The following PRKG1 variants were observed in gnomAD, a reference collection of about 807,000 sequenced individuals.
PRKG1 encodes cGMP-dependent protein kinase 1.
Under a neutral mutation model 88.1 loss-of-function variants are expected in PRKG1, and 35 were observed. That is an observed-to-expected ratio of 0.40 (90% CI 0.30 to 0.53). PRKG1 has a LOEUF of 0.53. Among genes scored for constraint, PRKG1 ranks in the 20% least tolerant of loss-of-function variants. The pLI is 0.59. For synonymous variants in PRKG1, 303 were observed against 292.5 expected (o/e 1.04, Z -0.37); for missense variants, 540 against 839.8 (o/e 0.64, Z 4.41).
intron 3 of PRKG1, among the ~76,000 whole-genome samples, chr10:51,754,199 C>T (rs528580226): frequency 6.6e-6 from 1 of 152,284 alleles, no homozygotes; most frequent in Admixed American, 6.5e-5. Context: ...CTCAGGCAGA[C>T]TCTTTTCTGA....
chr10:51,000,084 A>T (rs1842873625), intron 1 of PRKG1, among the ~76,000 whole-genome samples: 1 of 152,176 alleles, frequency 6.6e-6, no homozygotes, highest in African/African-American at 2.4e-5. Flanking sequence ...ACTCCAAAAT[A>T]CTCAATCCAA....
rs1291256173 is a variant in PRKG1 at position 52,239,233 on chromosome 10, A to T, written c.1077-12337A>T. Among the ~76,000 whole-genome samples, 4 of 140,354 alleles carry T rather than the reference A, an allele frequency of 2.8e-5. No individual in the cohort carries two copies. The East Asian group carries it at 6.3e-4, about 22-fold the overall frequency. The allele number at this position is 140,354 out of a possible 152,430, so 92.1% of individuals were successfully genotyped here. A position where few individuals can be genotyped will look rare whatever the true frequency, so the allele number is the denominator to read the frequency against. On this transcript the variant is annotated intron_variant, in intron 9 of 17. Transcript: ENST00000373980. ...TATACCTAATGCTAGATGACAAGTTAGTGGGTGCAGCGCACCGGCATGGCA... is the reference window on the plus strand; with the variant it reads ...TATACCTAATGCTAGATGACAAGTTTGTGGGTGCAGCGCACCGGCATGGCA...
rs186798855 is a variant in PRKG1 at position 52,019,972 on chromosome 10, A to G, written c.763-34512A>G. On this transcript the variant is annotated intron_variant, in intron 5 of 17. Coordinates refer to ENST00000373980, the MANE Select transcript of PRKG1 (RefSeq NM_006258.4). ...GACAAAGGCAAACAATGAAGATAGG[A>G]AAGTTGGAAATTAAAGAAAATAATA... is the stretch of plus-strand genomic sequence containing the variant. Among the ~76,000 whole-genome samples, 375 of 152,308 alleles carry G rather than the reference A, an allele frequency of 2.5e-3. 1 individual carries two copies. The highest frequency in any genetic ancestry group is 8.3e-3 in the African/African-American group (344 of 41,578).
chr10:51,908,368 A>G (rs1213528854), intron 5 of PRKG1: 2 of 152,184 alleles, frequency 1.3e-5, no homozygotes, highest in Non-Finnish European at 2.9e-5. Flanking sequence ...AATGTCATAC[A>G]GGAATAGTGT....
intron 3 of PRKG1, among the ~76,000 whole-genome samples, chr10:51,532,130 A>T (rs1385809947): frequency 1.3e-5 from 2 of 152,186 alleles, no homozygotes; most frequent in Non-Finnish European, 2.9e-5. Context: ...CAGTGAGGGA[A>T]GTTAAAGCTG....
intron 2 of PRKG1, among the ~76,000 whole-genome samples, chr10:51,405,559 C>T (rs922805478): frequency 6.6e-6 from 1 of 152,142 alleles, no homozygotes; most frequent in Non-Finnish European, 1.5e-5. Context: ...GGATTAAAAC[C>T]ATATCGGAAA....
intron 5 of PRKG1, among the ~76,000 whole-genome samples, chr10:52,028,694 A>G (rs1297595018): frequency 1.3e-5 from 2 of 152,322 alleles, no homozygotes; most frequent in African/African-American, 4.8e-5. Context: ...AGCAAATTTT[A>G]AGAACCTACT....
chr10:51,661,850 C>T (rs572443518), intron 3 of PRKG1, among the ~76,000 whole-genome samples: 1 of 152,118 alleles, frequency 6.6e-6, no homozygotes, highest in Non-Finnish European at 1.5e-5. Flanking sequence ...CAATGACAGA[C>T]TGGATTAAGA....
At chr10:51,588,055 T>C (rs1838216318) in intron 3 of PRKG1, among the ~76,000 whole-genome samples, 1 of 152,178 alleles carries the variant, frequency 6.6e-6, no homozygotes, top group Non-Finnish European at 1.5e-5. Context: ...GAGATGCTGA[T>C]CGAAGCAAGT....
chr10:52,059,527 A>G (rs529943729), intron 6 of PRKG1, among the ~76,000 whole-genome samples: 2 of 152,074 alleles, frequency 1.3e-5, no homozygotes, highest in African/African-American at 4.8e-5. Context: ...TAAGAAAAAA[A>G]GGTCTGAAAA....
chr10:51,946,423 G>T (rs1843036411), intron 5 of PRKG1, among the ~76,000 whole-genome samples: 1 of 152,024 alleles, frequency 6.6e-6, no homozygotes, highest in Non-Finnish European at 1.5e-5. Context: ...CTGTAGCTCG[G>T]AGTAGTTTGA....
At chr10:51,653,920 C>A (rs963094178) in intron 3 of PRKG1, among the ~76,000 whole-genome samples, 5 of 152,052 alleles carry the variant, frequency 3.3e-5, no homozygotes, top group African/African-American at 1.2e-4. Flanking sequence ...AGGTTGAGTT[C>A]CCTATATATT....
rs149869279 is a variant in PRKG1 at position 51,894,353 on chromosome 10, G to C, written c.699-13154G>C. 1.4e-4 allele frequency among the ~76,000 whole-genome samples: 22 copies of C among 152,252 alleles called. No individual in the cohort carries two copies. The East Asian group carries it at 4.1e-3, about 28-fold the overall frequency. On this transcript the variant is annotated intron_variant, in intron 4 of 17. Transcript: ENST00000373980. ...GTGATTCTACTTCTAAGGGATACCT[G>C]CCATAGTCAAATTCATAGAGAGAGA...
intron 1 of PRKG1, among the ~76,000 whole-genome samples, chr10:51,115,063 C>T (rs1014338295): frequency 2.6e-5 from 4 of 151,914 alleles, no homozygotes; most frequent in African/African-American, 9.7e-5. Context: ...TGTCTGTAAT[C>T]CCAGCATTTT....
intron 17 of PRKG1, among the ~76,000 whole-genome samples, chr10:52,290,798 G>T (rs550720198): frequency 4.6e-5 from 7 of 152,166 alleles, no homozygotes; most frequent in Non-Finnish European, 1.0e-4. Context: ...TGAGCTTACA[G>T]TGAGCTGTGA....
chr10:51,314,039 C>T (rs933411916), intron 2 of PRKG1, among the ~76,000 whole-genome samples: 3 of 152,142 alleles, frequency 2.0e-5, no homozygotes, highest in African/African-American at 4.8e-5. Flanking sequence ...ATGATGAGGT[C>T]TAATCTTTCT....
chr10:51,033,998 C>G (rs1843320401), intron 1 of PRKG1, among the ~76,000 whole-genome samples: 1 of 152,038 alleles, frequency 6.6e-6, no homozygotes, highest in Non-Finnish European at 1.5e-5. Flanking sequence ...ATGCCTCACA[C>G]CAGAGACAAT....
chr10:52,130,393 C>A (rs2132628214), intron 7 of PRKG1, among the ~76,000 whole-genome samples: 1 of 152,138 alleles, frequency 6.6e-6, no homozygotes, highest in African/African-American at 2.4e-5. Flanking sequence ...CCAATTTAGG[C>A]CAGATAATAT....
intron 2 of PRKG1, among the ~76,000 whole-genome samples, chr10:51,390,924 A>G (rs1053206966): frequency 2.6e-5 from 4 of 152,226 alleles, no homozygotes; most frequent in Non-Finnish European, 5.9e-5. Context: ...TATCCAGTCC[A>G]AAACATCTAT....
Sources: gnomAD v4.1 joint callset for allele counts (sites outside exome capture counted in the v4.1 genomes callset) on GRCh38, gnomAD v4.1.1 for gene constraint, MANE v1.5 for transcripts, NCBI Gene and HGNC (gene_info 2026-07-23, HGNC 2026-07-21) for gene names.